The following SENP6 variants were observed in gnomAD, a reference collection of about 807,000 sequenced individuals.
The protein encoded by SENP6 is sentrin-specific protease 6.
Under a neutral mutation model 134.5 loss-of-function variants are expected in SENP6, and 41 were observed. The ratio of observed to expected loss-of-function variants is 0.30; its 90% CI spans 0.24 to 0.40. The LOEUF is 0.40. SENP6 is among the 10% of genes least tolerant of loss of function. The pLI is 1.00. For missense variants in SENP6, 1,248 were observed against 1,312.5 expected, an observed-to-expected ratio of 0.95 and a Z score of 0.76; for synonymous variants, 395 against 429.8, an observed-to-expected ratio of 0.92 and a Z score of 1.00.
At chr6:75,643,242 T>C (rs1285358762) in intron 6 of SENP6, among the ~76,000 whole-genome samples, 3 of 152,240 alleles carry the variant, frequency 2.0e-5, no homozygotes, top group East Asian at 1.9e-4. Flanking sequence ...TCAGTAGTTA[T>C]AATAACTGTA....
chr6:75,633,435 A>G (rs1394955502), intron 3 of SENP6, 146 bp from the exon 4 acceptor site: 1 of 631,114 alleles, frequency 1.6e-6, no homozygotes, highest in Non-Finnish European at 2.5e-6. Flanking sequence ...AGGCAGTTGA[A>G]TTATTCTTAA....
At chr6:75,685,476 AG>A (rs1773766845) in intron 16 of SENP6, among the ~76,000 whole-genome samples, 2 of 152,050 alleles carry the variant, frequency 1.3e-5, no homozygotes, top group South Asian at 4.2e-4. Context: ...TTGTGATGTT[AG>A]GGTGTCAATT....
At chr6:75,641,262 A>G (rs1770006652) in intron 6 of SENP6, among the ~76,000 whole-genome samples, 1 of 152,198 alleles carries the variant, frequency 6.6e-6, no homozygotes, top group Admixed American at 6.5e-5. Flanking sequence ...ATGGTTATAT[A>G]TATTTATGCT....
At chr6:75,689,959 C>G (rs1221561674) in intron 16 of SENP6, among the ~76,000 whole-genome samples, 1 of 152,022 alleles carries the variant, frequency 6.6e-6, no homozygotes, top group East Asian at 1.9e-4. Flanking sequence ...ATTCTGTCAC[C>G]CATGATGGAG....
intron 1 of SENP6, 49 bp from the exon 2 acceptor site, chr6:75,621,483 T>C (rs761437077): frequency 1.2e-5 from 13 of 1,117,252 alleles, no homozygotes; most frequent in Non-Finnish European, 1.5e-5. Flanking sequence ...TTGTTTTATA[T>C]TGAATAGCTC....
At chr6:75,713,609 G>A (rs776431607) in intron 22 of SENP6, 28 bp downstream of exon 22, 18 of 1,605,402 alleles carry the variant, frequency 1.1e-5, no homozygotes, top group Non-Finnish European at 4.3e-6. Context: ...TTCGTATTCT[G>A]ATGGGGATGA....
intron 8 of SENP6, among the ~76,000 whole-genome samples, chr6:75,662,939 CTAGA>C (rs1771896501): frequency 1.3e-5 from 2 of 152,094 alleles, no homozygotes; most frequent in South Asian, 2.1e-4. Flanking sequence ...GACTGCTAGA[CTAGA>C]TAGTCTTGAA....
At chr6:75,705,476 G>A (rs545348641) in intron 19 of SENP6, among the ~76,000 whole-genome samples, 45 of 152,186 alleles carry the variant, frequency 3.0e-4, no homozygotes, top group African/African-American at 9.9e-4. Flanking sequence ...ACCTGGGGGC[G>A]GAGGTTGCAG....
chr6:75,715,872 C>T lies in SENP6; in HGVS notation c.*278C>T, dbSNP rs757515346. The stretch of plus-strand genomic sequence containing the variant: ...TTAATAGTACCTAAAATTGCAACTT[C>T]TAAACACAAATAAAAAGAAAATATT... On this transcript the variant is annotated 3_prime_UTR_variant, in exon 24 of 24. Coordinates refer to ENST00000447266, the MANE Select transcript of SENP6 (RefSeq NM_015571.4). 9 of 225,932 alleles carry T rather than the reference C, an allele frequency of 4.0e-5. No homozygotes were observed. Among genetic ancestry groups the T allele is most frequent in the South Asian group, 1.4e-4 (1 of 6,952 alleles). 14.0% of individuals were successfully genotyped at this position (225,932 alleles called of 1,614,324 possible).
chr6:75,678,715 G>C, intron 15 of SENP6, 23 bp downstream of exon 15: 1 of 1,418,392 alleles, frequency 7.1e-7, no homozygotes, highest in Non-Finnish European at 9.9e-7. Context: ...CTTTATATTT[G>C]CAATGATCTT....
At chr6:75,666,277 A>T (rs973784807) in intron 9 of SENP6, among the ~76,000 whole-genome samples, 2 of 147,366 alleles carry the variant, frequency 1.4e-5, no homozygotes, top group Admixed American at 6.8e-5. Flanking sequence ...AATATATATT[A>T]TATATATATA....
chr6:75,650,885 G>T (rs755379754), intron 7 of SENP6, among the ~76,000 whole-genome samples: 1 of 152,094 alleles, frequency 6.6e-6, no homozygotes, highest in Non-Finnish European at 1.5e-5. Context: ...TCTCCTAAAC[G>T]ATATCATGGT....
intron 1 of SENP6, among the ~76,000 whole-genome samples, chr6:75,609,811 G>A: frequency 6.6e-6 from 1 of 152,072 alleles, no homozygotes; most frequent in Non-Finnish European, 1.5e-5. Context: ...TGGAGTCTCG[G>A]CTCCGTTGCC....
At chr6:75,605,751 G>A (rs1406432147) in intron 1 of SENP6, among the ~76,000 whole-genome samples, 1 of 152,106 alleles carries the variant, frequency 6.6e-6, no homozygotes, top group Non-Finnish European at 1.5e-5. Context: ...AGCCATTGAC[G>A]AGTTTGGCGC....
chr6:75,674,396 A>G (rs1330234898), intron 11 of SENP6, among the ~76,000 whole-genome samples: 1 of 152,088 alleles, frequency 6.6e-6, no homozygotes, highest in Non-Finnish European at 1.5e-5. Flanking sequence ...ATCTTGGCTC[A>G]TTGCAACTTC....
intron 18 of SENP6, 116 bp downstream of exon 18, chr6:75,697,633 T>C (rs764266753): frequency 2.3e-4 from 162 of 692,208 alleles, no homozygotes; most frequent in Admixed American, 7.9e-4. Flanking sequence ...AAATCTCTTG[T>C]GTATATTCAT....
At chr6:75,641,393 C>G (rs1410460048) in intron 6 of SENP6, among the ~76,000 whole-genome samples, 1 of 152,040 alleles carries the variant, frequency 6.6e-6, no homozygotes, top group East Asian at 1.9e-4. Flanking sequence ...TGTTTTTATG[C>G]TTTAATAGAC....
intron 3 of SENP6, among the ~76,000 whole-genome samples, chr6:75,632,995 G>A (rs1769224080): frequency 1.3e-5 from 2 of 152,084 alleles, no homozygotes; most frequent in African/African-American, 4.8e-5. Flanking sequence ...CTGAAATTGT[G>A]TCCTGTAATT....
At chr6:75,607,635 C>T (rs1767126328) in intron 1 of SENP6, among the ~76,000 whole-genome samples, 1 of 151,780 alleles carries the variant, frequency 6.6e-6, no homozygotes. Flanking sequence ...TTCTAATATA[C>T]ATATACTACT....
Sources: gnomAD v4.1 joint callset for allele counts (sites outside exome capture counted in the v4.1 genomes callset) on GRCh38, gnomAD v4.1.1 for gene constraint, MANE v1.5 for transcripts, NCBI Gene and HGNC (gene_info 2026-07-23, HGNC 2026-07-21) for gene names.